The following ALG5 variants were observed in gnomAD, a reference collection of about 807,000 sequenced individuals.
The protein encoded by ALG5 is dolichyl-phosphate beta-glucosyltransferase.
A neutral mutation model predicts 51.8 loss-of-function variants in ALG5; 26 were observed. That is an observed-to-expected ratio of 0.50 (90% CI 0.37 to 0.70). ALG5 has a LOEUF of 0.70. Ranked by LOEUF, ALG5 falls within the 30% of genes least tolerant of loss-of-function variation. The pLI is 0.00. For synonymous variants in ALG5, 141 were observed against 136.1 expected (o/e 1.04, Z -0.25); for missense variants, 311 against 399.3 (o/e 0.78, Z 1.88).
chr13:36,984,199 A>G (rs1296127615), intron 6 of ALG5, among the ~76,000 whole-genome samples: 1 of 151,874 alleles, frequency 6.6e-6, no homozygotes, highest in Non-Finnish European at 1.5e-5. Context: ...GCTGGGCTCA[A>G]ATGATCCTCC....
At chr13:36,962,845 TAGTACA>T (rs1256144229) in intron 8 of ALG5, among the ~76,000 whole-genome samples, 1 of 152,210 alleles carries the variant, frequency 6.6e-6, no homozygotes, top group East Asian at 1.9e-4. Flanking sequence ...TTTGAATATA[TAGTACA>T]AAGAAAATAA....
intron 7 of ALG5, chr13:36,967,870 A>G: frequency 9.8e-7 from 1 of 1,017,352 alleles, no homozygotes; most frequent in Non-Finnish European, 1.3e-6. Flanking sequence ...TAGAAAAACA[A>G]TACCTATAAA....
chr13:36,977,815 CAA>C (rs1196106688), intron 6 of ALG5, among the ~76,000 whole-genome samples: 3 of 96,732 alleles, frequency 3.1e-5, no homozygotes, highest in East Asian at 7.1e-4. Context: ...AAAAAAAAAA[CAA>C]AAACGGTGGT....
chr13:36,970,809 A>T (rs1197559158), intron 7 of ALG5, among the ~76,000 whole-genome samples: 2 of 138,194 alleles, frequency 1.4e-5, no homozygotes, highest in East Asian at 4.6e-4. Flanking sequence ...TTCTTGGGAG[A>T]CTGAGGCAGA....
At chr13:36,950,470 A>G (rs1443002385) in intron 9 of ALG5, among the ~76,000 whole-genome samples, 1 of 152,228 alleles carries the variant, frequency 6.6e-6, no homozygotes, top group Admixed American at 6.5e-5. Flanking sequence ...TAATGATAAA[A>G]AATAAAGCCT....
At chr13:36,980,240 T>A (rs912032159) in intron 6 of ALG5, among the ~76,000 whole-genome samples, 11 of 152,000 alleles carry the variant, frequency 7.2e-5, no homozygotes, top group Non-Finnish European at 1.5e-4. Context: ...GAAAAAATTT[T>A]TTATTATTTT....
intron 8 of ALG5, among the ~76,000 whole-genome samples, chr13:36,959,893 C>T (rs1003265399): frequency 6.6e-6 from 1 of 151,620 alleles, no homozygotes; most frequent in Non-Finnish European, 1.5e-5. Context: ...CAAGCTGTAT[C>T]ACAGGCCAGA....
intron 1 of ALG5, among the ~76,000 whole-genome samples, chr13:36,996,775 G>C (rs1171964695): frequency 6.6e-6 from 1 of 152,082 alleles, no homozygotes; most frequent in Non-Finnish European, 1.5e-5. Context: ...CAAAACTCTA[G>C]GTAATAAATG....
At chr13:36,968,012 T>A in intron 7 of ALG5, 2 of 224,294 alleles carry the variant, frequency 8.9e-6, no homozygotes, top group South Asian at 6.3e-5. Context: ...GGCTATTTTT[T>A]AAAAAGCAGA....
At chr13:36,997,045 T>G (rs1263179536) in intron 1 of ALG5, among the ~76,000 whole-genome samples, 1 of 152,216 alleles carries the variant, frequency 6.6e-6, no homozygotes, top group Non-Finnish European at 1.5e-5. Context: ...CGAGTATGTA[T>G]GTGATCAGGT....
intron 6 of ALG5, among the ~76,000 whole-genome samples, chr13:36,972,721 G>GCA (rs1301365108): frequency 6.6e-6 from 1 of 152,124 alleles, no homozygotes; most frequent in Non-Finnish European, 1.5e-5. Flanking sequence ...GGCCGGGCGT[G>GCA]GTGGCTCACG....
rs529611536 is a variant in ALG5, at chr13:36,972,941, G to A, written c.562-905C>T. Among the ~76,000 whole-genome samples, 776 of 142,494 alleles carry A rather than the reference G, an allele frequency of 5.4e-3. 11 individuals are homozygous for A. The highest frequency in any genetic ancestry group is 6.1e-3 in the Non-Finnish European group (406 of 66,550). 93.5% of individuals were successfully genotyped at this position (142,494 alleles called of 152,430 possible). A position where few individuals can be genotyped will look rare whatever the true frequency, so the allele number is the denominator to read the frequency against. ...CAGGAGGCAGAGCTTGCAGTGAGCC[G>A]AGATCACACCACTGTGCTCCAGCCT... On this transcript the variant is annotated intron_variant, in intron 6 of 9. Transcript: ENST00000239891.
chr13:36,993,680 A>AG lies in ALG5; in HGVS notation c.286-9_286-8insC, dbSNP rs1477262323. 6.2e-7 allele frequency: 1 copy of AG among 1,611,286 alleles called. No homozygotes were observed. Among genetic ancestry groups the AG allele is most frequent in the East Asian group, 2.2e-5 (1 of 44,854 alleles). On this transcript the variant is annotated splice_polypyrimidine_tract_variant and intron_variant, in intron 3 of 9. Transcript: ENST00000239891. The stretch of plus-strand genomic sequence containing the variant: ...GAACGCAGGATCTCGTTTCTGCAAG[A>AG]AACAAAAATAAAGTAATACAATTTG...
At chr13:36,973,303 A>G (rs533457955) in intron 6 of ALG5, among the ~76,000 whole-genome samples, 1 of 152,294 alleles carries the variant, frequency 6.6e-6, no homozygotes, top group South Asian at 2.1e-4. Flanking sequence ...AATTCCATGG[A>G]CAGAATGAAA....
In ALG5 at chr13:36,965,556, A is replaced by G. The variant is rs2058889236; in HGVS notation, c.773+19T>C. The G allele has an allele frequency of 1.2e-6, 2 of 1,609,336 alleles. No homozygotes were observed. The highest frequency in any genetic ancestry group is 1.7e-4 in the Middle Eastern group (1 of 6,022). On this transcript the variant is annotated intron_variant, in intron 8 of 9. Transcript: ENST00000239891. ...CTGGGTCATAAGACAGACTGGATAC[A>G]TTCCAGTCAGAAACCTACCATCGTT...
intron 1 of ALG5, 83 bp downstream of exon 1, chr13:36,999,152 C>T: frequency 7.8e-7 from 1 of 1,289,234 alleles, no homozygotes; most frequent in Non-Finnish European, 1.0e-6. Context: ...ACTGGTAGCG[C>T]GGAGGAGGGG....
intron 4 of ALG5, among the ~76,000 whole-genome samples, chr13:36,990,966 C>T (rs1169027513): frequency 6.6e-6 from 1 of 152,204 alleles, no homozygotes; most frequent in East Asian, 1.9e-4. Flanking sequence ...AGTAGCCTTT[C>T]TAATATGGAA....
intron 8 of ALG5, among the ~76,000 whole-genome samples, chr13:36,959,734 A>C (rs2138784834): frequency 6.6e-6 from 1 of 152,206 alleles, no homozygotes; most frequent in Non-Finnish European, 1.5e-5. Context: ...TCTCTACCTA[A>C]CTATAAAACA....
At chr13:36,965,305 A>AAAGGAAGTCT (rs2058887881) in intron 8 of ALG5, among the ~76,000 whole-genome samples, 1 of 151,434 alleles carries the variant, frequency 6.6e-6, no homozygotes, top group Non-Finnish European at 1.5e-5. Flanking sequence ...TTTTTTCTTC[A>AAAGGAAGTCT]AAGGAAAAAA....
Sources: allele counts gnomAD v4.1 joint callset (sites outside exome capture counted in the v4.1 genomes callset), GRCh38; gene constraint gnomAD v4.1.1; transcripts MANE v1.5; gene names NCBI Gene and HGNC (gene_info 2026-07-23, HGNC 2026-07-21).